EXOC2: variants seen among roughly 807,000 people sequenced by gnomAD.
EXOC2 encodes exocyst complex component 2, also known as SEC5-like 1.
EXOC2 carries 70 observed loss-of-function variants against 131.8 expected under a neutral mutation model. That is an observed-to-expected ratio of 0.53 (90% CI 0.44 to 0.65). EXOC2 has a LOEUF of 0.65. Ranked by LOEUF, EXOC2 falls within the 30% of genes least tolerant of loss-of-function variation. The probability of loss-of-function intolerance (pLI) is 0.00; values close to 1 mark genes in which losing one functional copy is unlikely to be tolerated. For missense variants in EXOC2, 923 were observed against 1,108.6 expected, an observed-to-expected ratio of 0.83 and a Z score of 2.38; for synonymous variants, 411 against 398.4, an observed-to-expected ratio of 1.03 and a Z score of -0.38.
intron 27 of EXOC2, 86 bp downstream of exon 27, chr6:488,893 A>AATC: frequency 5.0e-6 from 7 of 1,387,218 alleles, no homozygotes; most frequent in Non-Finnish European, 6.0e-6. Flanking sequence ...CTAGAATCCA[A>AATC]ATCATTATTT....
chr6:648,345 A>T (rs1291403254), intron 1 of EXOC2, among the ~76,000 whole-genome samples: 1 of 152,218 alleles, frequency 6.6e-6, no homozygotes, highest in Non-Finnish European at 1.5e-5. Context: ...CACTCTCAGG[A>T]AAGAGTCTAA....
chr6:617,311 T>C (rs993556097), intron 6 of EXOC2, among the ~76,000 whole-genome samples: 1 of 152,266 alleles, frequency 6.6e-6, no homozygotes, highest in Non-Finnish European at 1.5e-5. Flanking sequence ...TGGGCGCCTG[T>C]GCGATAAGGG....
intron 27 of EXOC2, among the ~76,000 whole-genome samples, chr6:487,257 A>G (rs1232642758): frequency 6.6e-6 from 1 of 151,880 alleles, no homozygotes; most frequent in East Asian, 1.9e-4. Flanking sequence ...CCTTCCTCTC[A>G]TTTTGTATTA....
rs183261287 is a variant in EXOC2, at chr6:640,914, A to G, written c.-43-3053T>C. Among the ~76,000 whole-genome samples, 25 of 152,330 alleles carry G rather than the reference A, an allele frequency of 1.6e-4. No individual in the cohort carries two copies. In the East Asian group the frequency reaches 4.2e-3, roughly 26 times the overall value. ...AAAAAAAAAACTTCGAAATCATTCT[A>G]AAGTTTGATACCAAATTAATATCGA... On this transcript the variant is annotated intron_variant, in intron 1 of 27. Coordinates refer to ENST00000230449, the MANE Select transcript of EXOC2 (RefSeq NM_018303.6).
chr6:550,144 T>C (rs532620712), intron 21 of EXOC2, among the ~76,000 whole-genome samples: 7 of 152,372 alleles, frequency 4.6e-5, no homozygotes, highest in South Asian at 2.1e-4. Flanking sequence ...TGGAACAACT[T>C]TGACTAATCT....
At chr6:604,042 G>A (rs538281810) in intron 7 of EXOC2, among the ~76,000 whole-genome samples, 2 of 152,318 alleles carry the variant, frequency 1.3e-5, no homozygotes, top group East Asian at 3.9e-4. Flanking sequence ...GACAGGCACT[G>A]TTTTTACCCC....
chr6:553,808 T>C (rs1431685652), intron 21 of EXOC2, 46 bp downstream of exon 21: 1 of 1,525,026 alleles, frequency 6.6e-7, no homozygotes, highest in Non-Finnish European at 9.1e-7. Flanking sequence ...AAATTGTTGT[T>C]ACACAGTTTT....
intron 1 of EXOC2, among the ~76,000 whole-genome samples, chr6:648,952 A>T (rs116267022): frequency 0.022 from 3,348 of 151,980 alleles, 49 homozygotes; most frequent in Middle Eastern, 0.051. Flanking sequence ...GGCTCAAGCA[A>T]TCTGCCCGCT....
chr6:635,470 T>C (rs1460322559), intron 2 of EXOC2, among the ~76,000 whole-genome samples: 1 of 152,234 alleles, frequency 6.6e-6, no homozygotes, highest in African/African-American at 2.4e-5. Context: ...AAGTAGATCA[T>C]TTTAAATGTT....
At chr6:638,946 A>C (rs1762228818) in intron 1 of EXOC2, among the ~76,000 whole-genome samples, 1 of 109,448 alleles carries the variant, frequency 9.1e-6, no homozygotes, top group South Asian at 3.2e-4. Context: ...AATAAAAATA[A>C]TAAAATTTTA....
chr6:665,787 G>A (rs1763618312), intron 1 of EXOC2, among the ~76,000 whole-genome samples: 1 of 152,022 alleles, frequency 6.6e-6, no homozygotes, highest in South Asian at 2.1e-4. Flanking sequence ...GGGGAAGAGG[G>A]GGAGGGGGTT....
intron 11 of EXOC2, among the ~76,000 whole-genome samples, chr6:582,486 A>T (rs1264210559): frequency 6.6e-6 from 1 of 152,096 alleles, no homozygotes; most frequent in Non-Finnish European, 1.5e-5. Context: ...TCCTGCGCAC[A>T]GCGGGCCGTT....
intron 13 of EXOC2, among the ~76,000 whole-genome samples, chr6:566,301 A>G (rs1757961027): frequency 6.6e-6 from 1 of 152,196 alleles, no homozygotes; most frequent in African/African-American, 2.4e-5. Context: ...TGAGGCCTAC[A>G]TTAAGAAGAA....
chr6:656,193 A>C (rs773201337), intron 1 of EXOC2: 1 of 1,614,210 alleles, frequency 6.2e-7, no homozygotes, highest in South Asian at 1.1e-5. Context: ...AATATTGCAC[A>C]GGGCCGTCGT....
intron 1 of EXOC2, among the ~76,000 whole-genome samples, chr6:660,871 A>G (rs1763396393): frequency 6.6e-6 from 1 of 152,254 alleles, no homozygotes; most frequent in Non-Finnish European, 1.5e-5. Flanking sequence ...GATCAGGGAA[A>G]GGCGGAGCCC....
intron 1 of EXOC2, among the ~76,000 whole-genome samples, chr6:644,464 T>C (rs1298636496): frequency 1.3e-5 from 2 of 152,254 alleles, no homozygotes; most frequent in East Asian, 1.9e-4. Flanking sequence ...ATACCTCTCT[T>C]TCCTTGCCTA....
intron 11 of EXOC2, among the ~76,000 whole-genome samples, chr6:587,337 C>G (rs1468475401): frequency 1.3e-5 from 2 of 152,036 alleles, no homozygotes; most frequent in African/African-American, 2.4e-5. Flanking sequence ...CTCCGCCTCC[C>G]AGGTTCCTGC....
At chr6:615,176 G>GGGGT (rs1554137926) in intron 6 of EXOC2, among the ~76,000 whole-genome samples, 21 of 103,854 alleles carry the variant, frequency 2.0e-4, no homozygotes, top group African/African-American at 6.7e-4. Flanking sequence ...AGTATATGTG[G>GGGGT]GTGTGGGTGT....
intron 4 of EXOC2, among the ~76,000 whole-genome samples, chr6:625,730 T>G (rs185998600): frequency 8.1e-4 from 123 of 152,322 alleles, no homozygotes; most frequent in African/African-American, 2.6e-3. Context: ...CTTTTCTTTC[T>G]GTTTGAAGCC....
Sources: gnomAD v4.1 joint callset for allele counts (sites outside exome capture counted in the v4.1 genomes callset) on GRCh38, gnomAD v4.1.1 for gene constraint, MANE v1.5 for transcripts, NCBI Gene and HGNC (gene_info 2026-07-23, HGNC 2026-07-21) for gene names.